The following BICRA variants were observed in gnomAD, a reference collection of about 807,000 sequenced individuals.
The protein encoded by BICRA is BRD4 interacting chromatin remodeling complex associated protein.
Under a neutral mutation model 96.9 loss-of-function variants are expected in BICRA, and 31 were observed. The ratio of observed to expected loss-of-function variants is 0.32; its 90% CI spans 0.24 to 0.43. The LOEUF (loss-of-function observed/expected upper bound fraction) is 0.43, where lower values mean the gene tolerates loss of function less well. Among genes scored for constraint, BICRA ranks in the 20% least tolerant of loss-of-function variants. BICRA has a pLI of 1.00. For missense variants in BICRA, 2,283 were observed against 2,190.3 expected, an observed-to-expected ratio of 1.04 and a Z score of -0.84; for synonymous variants, 1,350 against 1,071.8, an observed-to-expected ratio of 1.26 and a Z score of -5.07.
intron 1 of BICRA, among the ~76,000 whole-genome samples, chr19:47,660,751 T>A (rs1254929039): frequency 3.3e-5 from 5 of 152,194 alleles, no homozygotes; most frequent in Non-Finnish European, 5.9e-5. Flanking sequence ...GGCATCATCA[T>A]GTAGTTCCCA....
At chr19:47,696,788 A>G (rs1275874424) in intron 11 of BICRA, among the ~76,000 whole-genome samples, 2 of 151,656 alleles carry the variant, frequency 1.3e-5, no homozygotes, top group South Asian at 2.1e-4. Context: ...TGTGCCCTCC[A>G]TGTCTCCCAC....
chr19:47,646,553 G>A (rs1972462662), intron 1 of BICRA, among the ~76,000 whole-genome samples: 1 of 152,154 alleles, frequency 6.6e-6, no homozygotes, highest in South Asian at 2.1e-4. Context: ...AGCTATTCCT[G>A]AGAGTACTTC....
At chr19:47,682,448 T>C (rs553435455) in intron 7 of BICRA, among the ~76,000 whole-genome samples, 2 of 152,228 alleles carry the variant, frequency 1.3e-5, no homozygotes, top group African/African-American at 4.8e-5. Flanking sequence ...TAATTCACAT[T>C]TCAAACGGTA....
At chr19:47,640,462 G>A (rs1255412514) in intron 1 of BICRA, among the ~76,000 whole-genome samples, 4 of 151,872 alleles carry the variant, frequency 2.6e-5, no homozygotes, top group South Asian at 2.1e-4. Context: ...CCTGGGAGGC[G>A]GAGGTTGCAG....
intron 1 of BICRA, among the ~76,000 whole-genome samples, chr19:47,634,756 A>ATTTTTT (rs57492096): frequency 3.3e-5 from 4 of 120,296 alleles, no homozygotes; most frequent in East Asian, 2.3e-4. Flanking sequence ...TTAAAATTAA[A>ATTTTTT]TTTTTTTTTT....
At chr19:47,624,914 G>A (rs1972117407) in intron 1 of BICRA, among the ~76,000 whole-genome samples, 1 of 148,240 alleles carries the variant, frequency 6.7e-6, no homozygotes, top group Non-Finnish European at 1.5e-5. Context: ...GGCTGGCCTT[G>A]AACTCCCGGG....
chr19:47,699,410 GA>G lies in BICRA; in HGVS notation c.3595+6del, dbSNP rs766437601. 13 of 1,514,446 alleles carry G rather than the reference GA, an allele frequency of 8.6e-6. No individual in the cohort carries two copies. Among genetic ancestry groups the G allele is most frequent in the African/African-American group, 1.4e-5 (1 of 72,338 alleles). 93.8% of individuals were successfully genotyped at this position (1,514,446 alleles called of 1,614,324 possible). A position where few individuals can be genotyped will look rare whatever the true frequency, so the allele number is the denominator to read the frequency against. On this transcript the variant is annotated splice_donor_region_variant and intron_variant, in intron 14 of 14. Transcript: ENST00000594866. The surrounding 1 kb of genome is among the most constrained non-coding windows in gnomAD (Gnocchi z 5.0). ...AGCTGGCCAAGGAGAAGCCGGGTGA[GA>G]GGGGGGAGTGAGAGGGGAGGGGAGG...
chr19:47,689,569 G>A (rs564654844), intron 7 of BICRA, among the ~76,000 whole-genome samples: 3 of 152,040 alleles, frequency 2.0e-5, no homozygotes, highest in South Asian at 2.1e-4. Flanking sequence ...ACACCATCCC[G>A]CCCTGCTAAT....
At chr19:47,641,448 A>G (rs965097083) in intron 1 of BICRA, among the ~76,000 whole-genome samples, 9 of 152,102 alleles carry the variant, frequency 5.9e-5, no homozygotes, top group Non-Finnish European at 1.2e-4. Flanking sequence ...TTCTGTAACT[A>G]TAGATTCAAC....
Position 47,698,864 on chromosome 19 carries a change from A to G in BICRA, c.3397+82A>G. ...CGGGGCGTCGCCAGTGTGGAGCCGCAGGTCCACGGTGCGCTATGCTGACCC... is the reference window on the plus strand; with the variant it reads ...CGGGGCGTCGCCAGTGTGGAGCCGCGGGTCCACGGTGCGCTATGCTGACCC... On this transcript the variant is annotated intron_variant, in intron 12 of 14. Coordinates refer to ENST00000594866, the MANE Select transcript of BICRA (RefSeq NM_001394372.1). The surrounding 1 kb of genome is among the most constrained non-coding windows in gnomAD (Gnocchi z 4.8). 1.5e-6 allele frequency: 2 copies of G among 1,379,048 alleles called. No homozygotes were observed. The highest frequency in any genetic ancestry group is 1.0e-6 in the Non-Finnish European group (1 of 990,628). The allele number at this position is 1,379,048 out of a possible 1,614,324, so 85.4% of individuals were successfully genotyped here.
chr19:47,618,722 T>C (rs1972019042), intron 1 of BICRA, among the ~76,000 whole-genome samples: 1 of 152,178 alleles, frequency 6.6e-6, no homozygotes, highest in Admixed American at 6.5e-5. Flanking sequence ...CTGGTAACCT[T>C]GGGAACGGAG....
At chr19:47,695,834 A>G (rs1318660218) in intron 10 of BICRA, among the ~76,000 whole-genome samples, 2 of 152,106 alleles carry the variant, frequency 1.3e-5, no homozygotes, top group Non-Finnish European at 2.9e-5. Context: ...GGTTTAGATG[A>G]GACAGACCGG....
intron 1 of BICRA, among the ~76,000 whole-genome samples, chr19:47,614,403 G>A (rs777116155): frequency 2.6e-5 from 4 of 152,178 alleles, no homozygotes; most frequent in Admixed American, 6.5e-5. Context: ...GATCACCTGC[G>A]GTCAGGAGTT....
At chr19:47,649,284 C>A (rs1490869123) in intron 1 of BICRA, among the ~76,000 whole-genome samples, 1 of 152,156 alleles carries the variant, frequency 6.6e-6, no homozygotes, top group African/African-American at 2.4e-5. Context: ...CTGTGCCTGG[C>A]CTGTATGTTA....
intron 1 of BICRA, among the ~76,000 whole-genome samples, chr19:47,616,293 T>C (rs3112495): frequency 0.86 from 131,179 of 152,134 alleles, 56,659 homozygotes; most frequent in Admixed American, 0.89. Flanking sequence ...ATACCCAAGT[T>C]GCTATGGCCT....
In BICRA at chr19:47,699,121, C is replaced by T; in HGVS notation, c.3492+62C>T. 1.6e-6 allele frequency: 2 copies of T among 1,216,172 alleles called. No individual in the cohort carries two copies. The highest frequency in any genetic ancestry group is 2.4e-6 in the Non-Finnish European group (2 of 846,030). 75.3% of individuals were successfully genotyped at this position (1,216,172 alleles called of 1,614,324 possible). On this transcript the variant is annotated intron_variant, in intron 13 of 14. Coordinates refer to ENST00000594866, the MANE Select transcript of BICRA (RefSeq NM_001394372.1). This position sits in a 1 kb window ranked among gnomAD's most constrained non-coding sequence, Gnocchi z 5.0. The stretch of plus-strand genomic sequence containing the variant: ...TCCTCGCTGGGACACTGCCCCTTTC[C>T]CTCACCCGCTCTGGGCAAGGTGGAG...
At position 47,681,041 on chromosome 19, in the gene BICRA, C is replaced by T. The variant is rs763451029; in HGVS notation, c.1871C>T (p.Ala624Val). The T allele has an allele frequency of 5.7e-6, 8 of 1,413,828 alleles. No homozygotes were observed. The highest frequency in any genetic ancestry group is 6.0e-5 in the East Asian group (2 of 33,458). The allele number at this position is 1,413,828 out of a possible 1,614,324, so 87.6% of individuals were successfully genotyped here. The change falls in exon 6 of 15, where the codon GCC (alanine) becomes GTC (valine). Residue 624 changes from alanine to valine, a missense_variant. Physicochemically the swap from Ala to Val is moderately conservative, Grantham distance 64 (BLOSUM62 0). Coordinates refer to ENST00000594866, the MANE Select transcript of BICRA (RefSeq NM_001394372.1). ...GCGCCTGTCCTCACGGTGCAGCCTGCCCCCCAGGCGCCCCCCGCGGTCAGC... is the reference window on the plus strand; with the variant it reads ...GCGCCTGTCCTCACGGTGCAGCCTGTCCCCCAGGCGCCCCCCGCGGTCAGC... ...EAAPVLTVQPAPQAPPAVSTP... is the reference protein window; with the variant it reads ...EAAPVLTVQPVPQAPPAVSTP...
intron 7 of BICRA, among the ~76,000 whole-genome samples, chr19:47,692,309 C>T (rs999343250): frequency 1.3e-5 from 2 of 152,148 alleles, no homozygotes; most frequent in East Asian, 1.9e-4. Context: ...TCACTACAAC[C>T]TCCGCCTCCT....
chr19:47,653,873 C>A (rs192727808), intron 1 of BICRA, among the ~76,000 whole-genome samples: 469 of 152,212 alleles, frequency 3.1e-3, no homozygotes, highest in Non-Finnish European at 5.9e-3. Flanking sequence ...GCTCTTGTTG[C>A]CCAGGCTGGA....
Sources: allele counts gnomAD v4.1 joint callset (sites outside exome capture counted in the v4.1 genomes callset), GRCh38; gene constraint gnomAD v4.1.1; non-coding constraint Gnocchi (gnomAD v3.1); transcripts MANE v1.5; gene names NCBI Gene and HGNC (gene_info 2026-07-23, HGNC 2026-07-21).